MTRES1: variants seen among roughly 807,000 people sequenced by gnomAD.
MTRES1 encodes mitochondrial transcription rescue factor 1.
Under a neutral mutation model 17.4 loss-of-function variants are expected in MTRES1, and 11 were observed. That is an observed-to-expected ratio of 0.63 (90% confidence interval 0.40 to 1.05). The LOEUF is 1.05. Among genes scored for constraint, MTRES1 ranks in the 50% least tolerant of loss-of-function variants. The probability of loss-of-function intolerance (pLI) is 0.00; values close to 1 mark genes in which losing one functional copy is unlikely to be tolerated. For missense variants in MTRES1, 268 were observed against 276.2 expected, an observed-to-expected ratio of 0.97 and a Z score of 0.21; for synonymous variants, 94 against 99.6, an observed-to-expected ratio of 0.94 and a Z score of 0.34.
intron 1 of MTRES1, among the ~76,000 whole-genome samples, chr6:107,038,297 C>T (rs1256449305): frequency 6.6e-6 from 1 of 152,180 alleles, no homozygotes; most frequent in Non-Finnish European, 1.5e-5. Context: ...TGCAGACTCA[C>T]GGTACAAGGA....
chr6:107,033,931 C>T (rs782574596), intron 1 of MTRES1, among the ~76,000 whole-genome samples: 5 of 152,192 alleles, frequency 3.3e-5, no homozygotes, highest in Non-Finnish European at 7.3e-5. Context: ...CAAGAATTAG[C>T]TTAATGTGTT....
chr6:107,037,056 G>A (rs1288699987), intron 1 of MTRES1, among the ~76,000 whole-genome samples: 1 of 151,902 alleles, frequency 6.6e-6, no homozygotes. Context: ...CTGGGATACA[G>A]GCGTGAGCCA....
chr6:107,043,321 G>C (rs144111934), intron 2 of MTRES1, among the ~76,000 whole-genome samples: 1 of 149,986 alleles, frequency 6.7e-6, no homozygotes, highest in African/African-American at 2.5e-5. Flanking sequence ...GCAATGGAGC[G>C]AGACTCCATC....
intron 1 of MTRES1, among the ~76,000 whole-genome samples, chr6:107,035,046 T>C (rs1554226805): frequency 6.6e-6 from 1 of 152,174 alleles, no homozygotes; most frequent in African/African-American, 2.4e-5. Flanking sequence ...GCTGTGCCAC[T>C]TAGCGTATTC....
chr6:107,041,577 G>A (rs1554227780), intron 2 of MTRES1, among the ~76,000 whole-genome samples: 2 of 152,054 alleles, frequency 1.3e-5, no homozygotes, highest in African/African-American at 2.4e-5. Flanking sequence ...CCAGGCTGGA[G>A]TGCCATGGCA....
intron 1 of MTRES1, among the ~76,000 whole-genome samples, chr6:107,034,066 G>A (rs568316381): frequency 1.3e-5 from 2 of 152,270 alleles, no homozygotes; most frequent in Admixed American, 6.5e-5. Flanking sequence ...AAGGGAATAC[G>A]TGGCTTGACA....
chr6:107,051,512 T>G lies in MTRES1; in HGVS notation c.*276T>G, dbSNP rs1774604649. Among the ~76,000 whole-genome samples the G allele has an allele frequency of 6.6e-6, 1 of 152,118 alleles. No homozygotes were observed. The highest frequency in any genetic ancestry group is 2.4e-5 in the African/African-American group (1 of 41,418). On this transcript the variant is annotated 3_prime_UTR_variant, in exon 4 of 4. Coordinates refer to ENST00000311381, the MANE Select transcript of MTRES1 (RefSeq NM_016487.5). Reference sequence around the variant, plus strand: ...AGAATGAACTAAGCCCCAGAGGGTTTTAATGGCTTGCCTGCTGTTTCCCAC... The same window carrying G: ...AGAATGAACTAAGCCCCAGAGGGTTGTAATGGCTTGCCTGCTGTTTCCCAC...
At position 107,028,221 on chromosome 6, in the gene MTRES1, G is replaced by A. The variant is rs957091937; in HGVS notation, c.-63G>A. 1 of 152,248 alleles carries A rather than the reference G, an allele frequency of 6.6e-6. No homozygotes were observed. The highest frequency in any genetic ancestry group is 2.4e-5 in the African/African-American group (1 of 41,466). 9.4% of individuals were successfully genotyped at this position (152,248 alleles called of 1,614,324 possible). ...GGGGCGCAGATAGGGGTAGCCTGGA[G>A]GCCTGCAGTCCGCGCGGCCGCGGGG... On this transcript the variant is annotated 5_prime_UTR_variant, in exon 1 of 4. Transcript: ENST00000311381.
chr6:107,040,227 G>T lies in MTRES1; in HGVS notation c.467G>T (p.Arg156Ile). 2 of 1,584,678 alleles carry T rather than the reference G, an allele frequency of 1.3e-6. No individual in the cohort carries two copies. The highest frequency in any genetic ancestry group is 1.7e-6 in the Non-Finnish European group (2 of 1,170,622). ...VVLKTGLDIG[R>I]NKVEDAFYKG... is the part of the protein sequence containing the mutation. ...CTGAAGACGGGGCTAGATATTGGGA[G>T]AAAGTGAGTATGATACGCATTTCAT... Residue 156 changes from arginine (R) to isoleucine (I), a missense_variant, in exon 2 of 4, where the codon AGA becomes ATA. By Grantham distance (97) the Arg-to-Ile change is moderately conservative (BLOSUM62 -3). Transcript: ENST00000311381.
rs562109891 is a variant in MTRES1, at chr6:107,051,088, T to C, written c.575T>C (p.Ile192Thr). The C allele has an allele frequency of 9.5e-5, 154 of 1,613,120 alleles. 1 individual carries two copies. In the South Asian group the frequency reaches 1.5e-3, roughly 16 times the overall value. The change falls in exon 4 of 4, where the codon ATT (isoleucine) becomes ACT (threonine). Residue 192 changes from isoleucine to threonine, a missense_variant. By Grantham distance (89) the Ile-to-Thr change is moderately conservative (BLOSUM62 -1). Transcript: ENST00000311381. ...VKVGDTLDLL[I>T]GEDKEAGTET... ...GTGGGAGATACATTGGATCTTCTCA[T>C]TGGAGAGGATAAAGAAGCAGGAACA...
At chr6:107,048,237 C>T (rs1299707468) in intron 3 of MTRES1, among the ~76,000 whole-genome samples, 6 of 151,996 alleles carry the variant, frequency 3.9e-5, no homozygotes, top group South Asian at 2.1e-4. Flanking sequence ...CAGGTTCAAG[C>T]GATTCTCTTG....
intron 3 of MTRES1, among the ~76,000 whole-genome samples, chr6:107,047,468 C>G (rs1774432566): frequency 6.6e-6 from 1 of 152,102 alleles, no homozygotes; most frequent in Admixed American, 6.6e-5. Flanking sequence ...GATCTACCCA[C>G]CTTGGCCTCC....
intron 1 of MTRES1, among the ~76,000 whole-genome samples, chr6:107,039,283 C>T (rs1774107473): frequency 6.6e-6 from 1 of 151,886 alleles, no homozygotes. Context: ...TTAGTACATG[C>T]AGATTGATAT....
At chr6:107,037,335 G>T (rs1198189873) in intron 1 of MTRES1, among the ~76,000 whole-genome samples, 1 of 152,136 alleles carries the variant, frequency 6.6e-6, no homozygotes, top group Non-Finnish European at 1.5e-5. Context: ...CTCCCAAAGT[G>T]TTGGGATTAC....
At chr6:107,029,280 C>T (rs1196375632) in intron 1 of MTRES1, among the ~76,000 whole-genome samples, 1 of 151,994 alleles carries the variant, frequency 6.6e-6, no homozygotes, top group Non-Finnish European at 1.5e-5. Flanking sequence ...CTCCGCCTCC[C>T]GGGTTCACGC....
intron 3 of MTRES1, among the ~76,000 whole-genome samples, chr6:107,045,888 C>T (rs1036010777): frequency 3.3e-5 from 5 of 152,164 alleles, no homozygotes; most frequent in Admixed American, 6.5e-5. Context: ...TTGGAGGATC[C>T]GAACTACATC....
intron 1 of MTRES1, among the ~76,000 whole-genome samples, chr6:107,029,776 G>C (rs549666035): frequency 1.3e-5 from 2 of 152,204 alleles, no homozygotes; most frequent in African/African-American, 4.8e-5. Context: ...GAGCCACCGC[G>C]CCCATACTAT....
intron 1 of MTRES1, among the ~76,000 whole-genome samples, chr6:107,033,557 G>A (rs143361833): frequency 6.6e-6 from 1 of 152,072 alleles, no homozygotes; most frequent in African/African-American, 2.4e-5. Context: ...GGTGGCTCAC[G>A]CCTGTAATCC....
In MTRES1 at chr6:107,030,189, G is replaced by A. The variant is rs551449700; in HGVS notation, c.-13+1918G>A. 8 of 718,268 alleles carry A rather than the reference G, an allele frequency of 1.1e-5. No individual in the cohort carries two copies. In the East Asian group the frequency reaches 2.1e-4, roughly 19 times the overall value. 44.5% of individuals were successfully genotyped at this position (718,268 alleles called of 1,614,324 possible). A position where few individuals can be genotyped will look rare whatever the true frequency, so the allele number is the denominator to read the frequency against. On this transcript the variant is annotated intron_variant, in intron 1 of 3. Coordinates refer to ENST00000311381, the MANE Select transcript of MTRES1 (RefSeq NM_016487.5). ...TCAAATTGGCAGATGAGGTTGGAGA[G>A]GAAATGGGGGTTGAGGGAGCACCAG...
Sources: allele counts gnomAD v4.1 joint callset (sites outside exome capture counted in the v4.1 genomes callset), GRCh38; gene constraint gnomAD v4.1.1; transcripts MANE v1.5; gene names NCBI Gene and HGNC (gene_info 2026-07-23, HGNC 2026-07-21).